Variants in SDK1 observed in about 807,000 individuals in gnomAD.
SDK1 encodes the protein protein sidekick-1.
In SDK1, 157 loss-of-function variants were observed where a neutral mutation model predicts 245.5. That is an observed-to-expected ratio of 0.64 (90% confidence interval 0.56 to 0.73). The LOEUF is 0.73. Among genes scored for constraint, SDK1 ranks in the 30% least tolerant of loss-of-function variants. SDK1 has a pLI of 0.00. For missense variants in SDK1, 3,583 were observed against 3,002.3 expected, an observed-to-expected ratio of 1.19 and a Z score of -4.52; for synonymous variants, 1,647 against 1,278.5, an observed-to-expected ratio of 1.29 and a Z score of -6.15.
chr7:3,375,630 C>T (rs1308283720), intron 1 of SDK1, among the ~76,000 whole-genome samples: 7 of 152,148 alleles, frequency 4.6e-5, no homozygotes, highest in African/African-American at 7.2e-5. Context: ...GGCTACCTTT[C>T]GTGAGGACAC....
At chr7:3,955,009 C>T (rs1356912832) in intron 7 of SDK1, among the ~76,000 whole-genome samples, 4 of 152,048 alleles carry the variant, frequency 2.6e-5, no homozygotes, top group Admixed American at 6.5e-5. Context: ...CCTCTGACTG[C>T]AGCACCTTAG....
chr7:3,377,841 C>T (rs1172740784), intron 1 of SDK1, among the ~76,000 whole-genome samples: 4 of 152,214 alleles, frequency 2.6e-5, no homozygotes, highest in East Asian at 3.9e-4. Context: ...TGCAGTGGCA[C>T]GATCTCGGCT....
chr7:3,572,670 G>C (rs1261331090), intron 1 of SDK1, among the ~76,000 whole-genome samples: 2 of 152,030 alleles, frequency 1.3e-5, no homozygotes, highest in Admixed American at 6.6e-5. Flanking sequence ...TCATCTATTT[G>C]TCAAGTGCCT....
intron 32 of SDK1, among the ~76,000 whole-genome samples, chr7:4,166,557 C>T (rs1781513148): frequency 6.6e-6 from 1 of 152,226 alleles, no homozygotes; most frequent in Non-Finnish European, 1.5e-5. Flanking sequence ...TGTTGTGTCT[C>T]ACGGGTATTG....
chr7:3,482,595 C>A (rs1275255502), intron 1 of SDK1, among the ~76,000 whole-genome samples: 1 of 152,186 alleles, frequency 6.6e-6, no homozygotes, highest in African/African-American at 2.4e-5. Context: ...AATTGATGAC[C>A]ACCAGAGGGC....
intron 5 of SDK1, among the ~76,000 whole-genome samples, chr7:3,834,629 T>C (rs1779989784): frequency 6.6e-6 from 1 of 152,240 alleles, no homozygotes; most frequent in Non-Finnish European, 1.5e-5. Flanking sequence ...TCCCTTGTTA[T>C]AAATATCAGT....
At chr7:3,863,297 G>T (rs1780741884) in intron 5 of SDK1, among the ~76,000 whole-genome samples, 1 of 152,174 alleles carries the variant, frequency 6.6e-6, no homozygotes, top group Non-Finnish European at 1.5e-5. Context: ...GACCTTTCCA[G>T]TGAGGGAAAT....
Position 3,904,381 on chromosome 7 carries a change from A to T in SDK1, c.848-46542A>T, listed in dbSNP as rs151234769. On this transcript the variant is annotated intron_variant, in intron 5 of 44. Coordinates refer to ENST00000404826, the MANE Select transcript of SDK1 (RefSeq NM_152744.4). ...CTAGGAAGTGCTACACAACCTGGTG[A>T]ATATAATATAATATAAATATTCTGT... Among the ~76,000 whole-genome samples the T allele has an allele frequency of 9.9e-5, 15 of 152,184 alleles. No homozygotes were observed. The East Asian group carries it at 2.9e-3, about 29-fold the overall frequency.
intron 5 of SDK1, among the ~76,000 whole-genome samples, chr7:3,843,689 G>A (rs1780211043): frequency 6.6e-6 from 1 of 152,182 alleles, no homozygotes; most frequent in Admixed American, 6.5e-5. Context: ...ATGAAAGCCT[G>A]GGTCTGTTTC....
At chr7:3,727,353 G>A (rs972024107) in intron 4 of SDK1, among the ~76,000 whole-genome samples, 5 of 152,144 alleles carry the variant, frequency 3.3e-5, no homozygotes, top group South Asian at 2.1e-4. Flanking sequence ...CCATTGCTCT[G>A]TATTCTGGAG....
chr7:4,177,969 C>T (rs1584378125), intron 34 of SDK1, among the ~76,000 whole-genome samples: 1 of 144,908 alleles, frequency 6.9e-6, no homozygotes, highest in East Asian at 2.3e-4. Context: ...TTGTGCAAGG[C>T]ATAAGGAGCA....
chr7:4,238,822 A>G (rs1045502533), intron 42 of SDK1, among the ~76,000 whole-genome samples: 3 of 151,996 alleles, frequency 2.0e-5, no homozygotes, highest in Admixed American at 6.5e-5. Context: ...TACTGGGATT[A>G]CAGGTGTGAG....
At chr7:3,401,149 A>G (rs769803122) in intron 1 of SDK1, among the ~76,000 whole-genome samples, 2 of 152,156 alleles carry the variant, frequency 1.3e-5, no homozygotes, top group Non-Finnish European at 2.9e-5. Flanking sequence ...AAATATACAG[A>G]TCACGCTTCA....
intron 4 of SDK1, among the ~76,000 whole-genome samples, chr7:3,722,580 C>T (rs188955691): frequency 6.6e-6 from 1 of 152,268 alleles, no homozygotes; most frequent in East Asian, 1.9e-4. Flanking sequence ...CTTAGGGATG[C>T]ACTGTGTGTA....
At chr7:4,118,694 CAAATGGAT>C (rs1041599867) in intron 25 of SDK1, among the ~76,000 whole-genome samples, 8 of 125,668 alleles carry the variant, frequency 6.4e-5, no homozygotes, top group Admixed American at 3.8e-4. Flanking sequence ...ACTCAGTTGA[CAAATGGAT>C]AAATAAAATG....
At chr7:3,880,005 A>G (rs1044073408) in intron 5 of SDK1, among the ~76,000 whole-genome samples, 5 of 152,140 alleles carry the variant, frequency 3.3e-5, no homozygotes, top group Non-Finnish European at 7.4e-5. Flanking sequence ...AATCTTCTCA[A>G]TGGCTTTATA....
chr7:3,429,177 A>G (rs546135212), intron 1 of SDK1, among the ~76,000 whole-genome samples: 1 of 152,318 alleles, frequency 6.6e-6, no homozygotes, highest in South Asian at 2.1e-4. Flanking sequence ...GAACTGAGAT[A>G]CACAGATGGA....
intron 1 of SDK1, among the ~76,000 whole-genome samples, chr7:3,594,723 T>C (rs1481625017): frequency 6.6e-6 from 1 of 152,242 alleles, no homozygotes; most frequent in Non-Finnish European, 1.5e-5. Flanking sequence ...TTTCCTGTGC[T>C]TATTAGTCTA....
chr7:3,818,371 C>T (rs1372776479), intron 4 of SDK1, among the ~76,000 whole-genome samples: 1 of 152,096 alleles, frequency 6.6e-6, no homozygotes, highest in African/African-American at 2.4e-5. Context: ...ACTCAGCATG[C>T]CCCTGTGTTC....
Sources: gnomAD v4.1 joint callset for allele counts (sites outside exome capture counted in the v4.1 genomes callset) on GRCh38, gnomAD v4.1.1 for gene constraint, MANE v1.5 for transcripts, NCBI Gene and HGNC (gene_info 2026-07-23, HGNC 2026-07-21) for gene names.